Variants in CRACDL observed in about 807,000 individuals in gnomAD.
The protein encoded by CRACDL is CRACD-like protein.
In CRACDL, 26 loss-of-function variants were observed where a neutral mutation model predicts 70.6. That is an observed-to-expected ratio of 0.37 (90% CI 0.27 to 0.51). The LOEUF (loss-of-function observed/expected upper bound fraction) is 0.51, where lower values mean the gene tolerates loss of function less well. CRACDL is among the 20% of genes least tolerant of loss of function. The pLI is 0.94. For missense variants in CRACDL, 1,283 were observed against 1,376.9 expected (o/e 0.93, Z 1.08); for synonymous variants, 618 against 615.2 (o/e 1.00, Z -0.07).
At chr2:98,933,108 C>T (rs1242657600) in intron 1 of CRACDL, among the ~76,000 whole-genome samples, 1 of 152,194 alleles carries the variant, frequency 6.6e-6, no homozygotes, top group Non-Finnish European at 1.5e-5. Flanking sequence ...CAGAAGAGAC[C>T]TCAGAGCATG....
In CRACDL at chr2:98,822,104, C is replaced by G; in HGVS notation, c.2169G>C (p.Pro723=). Residue 723 remains proline, a synonymous_variant, in exon 7 of 10, where the codon CCG becomes CCC. Coordinates refer to ENST00000397899, the MANE Select transcript of CRACDL (RefSeq NM_207362.3). This position sits in a 1 kb window ranked among gnomAD's most constrained non-coding sequence, Gnocchi z 4.9. ...VRLERSLTVL[P]KEEKCPLGTA... Reference sequence around the variant, plus strand: ...TCCCGAGGGGACACTTCTCCTCCTTCGGGAGCACGGTCAGCGACCTTTCTA... The same window carrying G: ...TCCCGAGGGGACACTTCTCCTCCTTGGGGAGCACGGTCAGCGACCTTTCTA... 1 of 1,571,730 alleles carries G rather than the reference C, an allele frequency of 6.4e-7. No homozygotes were observed.
In CRACDL at chr2:98,930,529, G is replaced by A. The variant is rs1709047646; in HGVS notation, c.-11+5409C>T. Among the ~76,000 whole-genome samples the A allele has an allele frequency of 2.1e-5, 3 of 139,640 alleles. No homozygotes were observed. The South Asian group carries it at 7.1e-4, about 33-fold the overall frequency. The allele number at this position is 139,640 out of a possible 152,430, so 91.6% of individuals were successfully genotyped here. A position where few individuals can be genotyped will look rare whatever the true frequency, so the allele number is the denominator to read the frequency against. ...TACTCCATCCCCATCCCCACCCTCT[G>A]TCCTGTGTCCCCTACTGCATCTCTG... is the stretch of plus-strand genomic sequence containing the variant. On this transcript the variant is annotated intron_variant, in intron 1 of 9. Transcript: ENST00000397899.
At chr2:98,855,343 A>G (rs1383573114) in intron 1 of CRACDL, among the ~76,000 whole-genome samples, 3 of 152,140 alleles carry the variant, frequency 2.0e-5, no homozygotes, top group African/African-American at 7.2e-5. Context: ...TTCTGAGCTC[A>G]CTAATAGTCC....
At chr2:98,860,088 T>C (rs1464750688) in intron 1 of CRACDL, among the ~76,000 whole-genome samples, 2 of 151,998 alleles carry the variant, frequency 1.3e-5, no homozygotes, top group East Asian at 1.9e-4. Context: ...TAGGAGTAAG[T>C]TTAACCAAGG....
intron 1 of CRACDL, among the ~76,000 whole-genome samples, chr2:98,902,666 G>T (rs867005738): frequency 2.0e-5 from 3 of 152,118 alleles, no homozygotes; most frequent in Non-Finnish European, 2.9e-5. Context: ...GGAGGGAAGG[G>T]TCTGTAGGAC....
chr2:98,796,283 C>T lies in CRACDL; in HGVS notation c.2605-19G>A, dbSNP rs775258060. 2 of 1,607,822 alleles carry T rather than the reference C, an allele frequency of 1.2e-6. No homozygotes were observed. The highest frequency in any genetic ancestry group is 1.7e-6 in the Non-Finnish European group (2 of 1,174,570). ...CAGGCTCCTGTTGGGACATAAGACA[C>T]ATGCTGCCAAGTTAACAATGATTCA... On this transcript the variant is annotated intron_variant, in intron 8 of 9. Coordinates refer to ENST00000397899, the MANE Select transcript of CRACDL (RefSeq NM_207362.3).
chr2:98,872,496 T>C (rs554232676), intron 1 of CRACDL, among the ~76,000 whole-genome samples: 7 of 152,344 alleles, frequency 4.6e-5, no homozygotes, highest in African/African-American at 1.2e-4. Context: ...GGGTACAATG[T>C]GGACTATTTG....
At chr2:98,910,767 G>T (rs1002913238) in intron 1 of CRACDL, among the ~76,000 whole-genome samples, 4 of 152,194 alleles carry the variant, frequency 2.6e-5, no homozygotes, top group Non-Finnish European at 4.4e-5. Context: ...TTCACCTGCT[G>T]GTGGCCTCGG....
chr2:98,895,311 T>G (rs10178956), intron 1 of CRACDL, among the ~76,000 whole-genome samples: 102,790 of 152,096 alleles, frequency 0.68, 36,690 homozygotes, highest in African/African-American at 0.9. Context: ...CACACACAGT[T>G]GGGCAGGTGC....
intron 2 of CRACDL, among the ~76,000 whole-genome samples, chr2:98,840,376 T>C (rs889450821): frequency 6.6e-6 from 1 of 152,192 alleles, no homozygotes; most frequent in African/African-American, 2.4e-5. Flanking sequence ...CTGAATGATT[T>C]GAACCCATTC....
Position 98,822,855 on chromosome 2 carries a change from C to A in CRACDL, c.1418G>T (p.Gly473Val). The A allele has an allele frequency of 2.1e-6, 3 of 1,457,274 alleles. No homozygotes were observed. Among genetic ancestry groups the A allele is most frequent in the Non-Finnish European group, 1.8e-6 (2 of 1,114,738 alleles). The allele number at this position is 1,457,274 out of a possible 1,614,324, so 90.3% of individuals were successfully genotyped here. A position where few individuals can be genotyped will look rare whatever the true frequency, so the allele number is the denominator to read the frequency against. Residue 473 changes from glycine to valine, a missense_variant, in exon 7 of 10, where the codon GGG becomes GTG. Physicochemically the swap from Gly to Val is moderately radical, Grantham distance 109. This residue lies in a region of CRACDL where 921 missense variants were observed against 881.9 expected (regional missense o/e 1.04). Coordinates refer to ENST00000397899, the MANE Select transcript of CRACDL (RefSeq NM_207362.3). The surrounding 1 kb of genome is among the most constrained non-coding windows in gnomAD (Gnocchi z 4.9). ...GGTCCCAATTCTCTCGGGCTCGGTC[C>A]CCGCTCCTCTCTCGGGCTCCGTCTC... The part of the protein sequence containing the change: ...EAETEPERGA[G>V]TEPERIGTEP...
intron 2 of CRACDL, among the ~76,000 whole-genome samples, chr2:98,838,660 C>T (rs1467243294): frequency 6.6e-6 from 1 of 152,016 alleles, no homozygotes; most frequent in Non-Finnish European, 1.5e-5. Flanking sequence ...GAGCAAGACC[C>T]TCTCTCAAAA....
rs754085681 is a variant in CRACDL, at chr2:98,822,562, C to T, written c.1711G>A (p.Ala571Thr). 1.4e-6 allele frequency: 2 copies of T among 1,464,234 alleles called. No homozygotes were observed. Among genetic ancestry groups the T allele is most frequent in the Non-Finnish European group, 1.8e-6 (2 of 1,115,832 alleles). 90.7% of individuals were successfully genotyped at this position (1,464,234 alleles called of 1,614,324 possible). Residue 571 changes from alanine (A) to threonine (T), a missense_variant, in exon 7 of 10, where the codon GCG becomes ACG. Coordinates refer to ENST00000397899, the MANE Select transcript of CRACDL (RefSeq NM_207362.3). The surrounding 1 kb of genome is among the most constrained non-coding windows in gnomAD (Gnocchi z 4.9). ...CACGAGGACACCGAGAACTTCTTCG[C>T]GCCTCGCAGCTCGGCACCGCCCCTC... ...AERGGAELRG[A>T]KKFSVSSCRA...
intron 1 of CRACDL, among the ~76,000 whole-genome samples, chr2:98,915,270 G>T (rs963906480): frequency 6.6e-6 from 1 of 152,214 alleles, no homozygotes. Context: ...CTTTCTACAC[G>T]GAACAGCACA....
At chr2:98,926,259 A>G (rs1558642928) in intron 1 of CRACDL, among the ~76,000 whole-genome samples, 1 of 152,202 alleles carries the variant, frequency 6.6e-6, no homozygotes, top group Non-Finnish European at 1.5e-5. Flanking sequence ...CTTTTTAAAG[A>G]AAATATGGGT....
chr2:98,799,091 T>C, intron 7 of CRACDL, among the ~76,000 whole-genome samples: 1 of 152,100 alleles, frequency 6.6e-6, no homozygotes, highest in Non-Finnish European at 1.5e-5. Context: ...CTGAAACTGA[T>C]CTCCAACCAC....
chr2:98,822,695 G>T lies in CRACDL; in HGVS notation c.1578C>A (p.Gly526=). 7.9e-7 allele frequency: 1 copy of T among 1,267,096 alleles called. No individual in the cohort carries two copies. The highest frequency in any genetic ancestry group is 1.6e-5 in the African/African-American group (1 of 64,250). The allele number at this position is 1,267,096 out of a possible 1,614,324, so 78.5% of individuals were successfully genotyped here. Residue 526 remains glycine, a synonymous_variant, in exon 7 of 10, where the codon GGC becomes GGA. Coordinates refer to ENST00000397899, the MANE Select transcript of CRACDL (RefSeq NM_207362.3). This position sits in a 1 kb window ranked among gnomAD's most constrained non-coding sequence, Gnocchi z 4.9. ...AAAESPPVEP[G]PGSLDAEAAA... ...CGGCCTCTGCGTCGAGGGAACCGGG[G>T]CCGGGCTCCACCGGGGGAGACTCCG...
intron 1 of CRACDL, among the ~76,000 whole-genome samples, chr2:98,919,334 T>C (rs1708742429): frequency 6.6e-6 from 1 of 152,218 alleles, no homozygotes; most frequent in African/African-American, 2.4e-5. Context: ...CCTTATTAAT[T>C]TCAGGACAAT....
intron 1 of CRACDL, among the ~76,000 whole-genome samples, chr2:98,877,469 T>C (rs1264812402): frequency 6.6e-6 from 1 of 152,086 alleles, no homozygotes; most frequent in Non-Finnish European, 1.5e-5. Context: ...AAAATAAATT[T>C]AGTTGGTGGC....
Sources: gnomAD v4.1 joint callset for allele counts (sites outside exome capture counted in the v4.1 genomes callset) on GRCh38, gnomAD v4.1.1 for gene constraint, gnomAD v4.1.1 regional missense constraint, Gnocchi (gnomAD v3.1) non-coding constraint, MANE v1.5 for transcripts, NCBI Gene and HGNC (gene_info 2026-07-23, HGNC 2026-07-21) for gene names.